FNDC3A: variants seen among roughly 807,000 people sequenced by gnomAD.
FNDC3A encodes fibronectin type-III domain-containing protein 3A.
Under a neutral mutation model 148.9 loss-of-function variants are expected in FNDC3A, and 32 were observed. That is an observed-to-expected ratio of 0.21 (90% CI 0.16 to 0.29). The LOEUF (loss-of-function observed/expected upper bound fraction) is 0.29. Ranked by LOEUF, FNDC3A falls within the 10% of genes least tolerant of loss-of-function variation. The pLI is 1.00. For synonymous variants in FNDC3A, 472 were observed against 473.6 expected (o/e 1.00, Z 0.04); for missense variants, 1,191 against 1,452.8 (o/e 0.82, Z 2.93).
chr13:49,177,705 A>C (rs1885101757), intron 13 of FNDC3A, among the ~76,000 whole-genome samples: 1 of 152,220 alleles, frequency 6.6e-6, no homozygotes, highest in Non-Finnish European at 1.5e-5. Context: ...TCAGCCATAA[A>C]AAGAGTACCA....
chr13:48,997,597 GC>G (rs1593451073), intron 1 of FNDC3A, among the ~76,000 whole-genome samples: 3 of 152,108 alleles, frequency 2.0e-5, no homozygotes, highest in Non-Finnish European at 2.9e-5. Flanking sequence ...GAGCTTGCAT[GC>G]TCTCTGCCTT....
At chr13:49,174,144 A>G (rs77003779) in intron 11 of FNDC3A, among the ~76,000 whole-genome samples, 5,885 of 152,190 alleles carry the variant, frequency 0.039, 154 homozygotes, top group Non-Finnish European at 0.059. Context: ...TTCTATGGAG[A>G]TTGTAGGGTC....
chr13:49,058,232 G>A (rs938188391), intron 2 of FNDC3A, among the ~76,000 whole-genome samples: 1 of 152,046 alleles, frequency 6.6e-6, no homozygotes, highest in Admixed American at 6.6e-5. Context: ...TGAGAGGGTC[G>A]TGATCGATTG....
At chr13:49,125,131 G>C (rs1881614972) in intron 4 of FNDC3A, among the ~76,000 whole-genome samples, 1 of 152,162 alleles carries the variant, frequency 6.6e-6, no homozygotes, top group Non-Finnish European at 1.5e-5. Context: ...TTTGAGCTGT[G>C]CTTGCTGTTT....
intron 2 of FNDC3A, among the ~76,000 whole-genome samples, chr13:49,024,340 G>A (rs1873542835): frequency 6.6e-6 from 1 of 151,836 alleles, no homozygotes; most frequent in South Asian, 2.1e-4. Flanking sequence ...ATTCCAAAAA[G>A]TTAAAGCAGA....
rs148194222 is a variant in FNDC3A, at chr13:49,113,602, A to G, written c.176-1053A>G. On this transcript the variant is annotated intron_variant, in intron 3 of 25. Coordinates refer to ENST00000492622, the MANE Select transcript of FNDC3A (RefSeq NM_001079673.2). ...TTCTTTTATAGCTGAGAGCCATTAT[A>G]TAATGGTAGATTATAATTCTGCATA... is the stretch of plus-strand genomic sequence containing the variant. 9.4e-4 allele frequency among the ~76,000 whole-genome samples: 143 copies of G among 152,286 alleles called. 3 individuals carry two copies. In the East Asian group the frequency reaches 0.026, roughly 28 times the overall value.
At chr13:49,011,516 G>A (rs1374425185) in intron 2 of FNDC3A, among the ~76,000 whole-genome samples, 1 of 152,170 alleles carries the variant, frequency 6.6e-6, no homozygotes, top group Non-Finnish European at 1.5e-5. Flanking sequence ...TTACATGCGT[G>A]AGCCACCGGC....
At chr13:49,142,073 A>G (rs1882721924) in intron 7 of FNDC3A, among the ~76,000 whole-genome samples, 1 of 152,232 alleles carries the variant, frequency 6.6e-6, no homozygotes, top group African/African-American at 2.4e-5. Context: ...ATATGGATAT[A>G]AAAGCAAATT....
At chr13:48,992,026 G>A (rs929993450) in intron 1 of FNDC3A, among the ~76,000 whole-genome samples, 1 of 152,196 alleles carries the variant, frequency 6.6e-6, no homozygotes, top group African/African-American at 2.4e-5. Flanking sequence ...ATGGATACTT[G>A]ATGTATGGTT....
At chr13:49,090,239 G>A (rs1879096945) in intron 3 of FNDC3A, among the ~76,000 whole-genome samples, 2 of 152,138 alleles carry the variant, frequency 1.3e-5, no homozygotes, top group South Asian at 2.1e-4. Flanking sequence ...TGACCAACAT[G>A]GTGAAACCCT....
chr13:49,070,031 A>G (rs1474966576), intron 2 of FNDC3A, among the ~76,000 whole-genome samples: 1 of 152,250 alleles, frequency 6.6e-6, no homozygotes, highest in Non-Finnish European at 1.5e-5. Context: ...TATAAAAACT[A>G]GGAAAAATAG....
chr13:49,174,346 C>A, intron 11 of FNDC3A, 89 bp from the exon 12 acceptor site: 1 of 1,047,660 alleles, frequency 9.5e-7, no homozygotes, highest in African/African-American at 1.6e-5. Context: ...TATACACTTG[C>A]TAATATGTAA....
intron 19 of FNDC3A, among the ~76,000 whole-genome samples, chr13:49,192,977 C>T (rs1202358817): frequency 6.6e-6 from 1 of 151,874 alleles, no homozygotes; most frequent in African/African-American, 2.4e-5. Flanking sequence ...TTGTTGTTGT[C>T]GACATGAATT....
rs1566185745 is a variant in FNDC3A at position 49,006,154 on chromosome 13, T to C, written c.-37T>C. ...GACTATATATGTTTGTTTTTCAGAA[T>C]TGGAGCGTTATTCAGTATATTAATG... On this transcript the variant is annotated splice_region_variant and 5_prime_UTR_variant, in exon 2 of 26. Transcript: ENST00000492622. 1 of 1,153,640 alleles carries C rather than the reference T, an allele frequency of 8.7e-7. No individual in the cohort carries two copies. The highest frequency in any genetic ancestry group is 1.3e-6 in the Non-Finnish European group (1 of 774,100). The allele number at this position is 1,153,640 out of a possible 1,614,324, so 71.5% of individuals were successfully genotyped here. A position where few individuals can be genotyped will look rare whatever the true frequency, so the allele number is the denominator to read the frequency against.
intron 2 of FNDC3A, among the ~76,000 whole-genome samples, chr13:49,042,988 T>C (rs1875062450): frequency 6.6e-6 from 1 of 152,128 alleles, no homozygotes; most frequent in Admixed American, 6.6e-5. Flanking sequence ...CAGGGTCTCA[T>C]TCTGTCACCA....
intron 17 of FNDC3A, among the ~76,000 whole-genome samples, chr13:49,189,224 G>A (rs1312518938): frequency 5.3e-5 from 8 of 150,464 alleles, no homozygotes; most frequent in African/African-American, 1.2e-4. Context: ...GCAGTGGCAC[G>A]ATTGGGGCTC....
chr13:48,993,336 A>G (rs913864034), intron 1 of FNDC3A, among the ~76,000 whole-genome samples: 2 of 152,176 alleles, frequency 1.3e-5, no homozygotes, highest in African/African-American at 4.8e-5. Flanking sequence ...CCCACCACAC[A>G]CCTGTTGAGT....
chr13:49,168,509 C>T (rs1430774574), intron 9 of FNDC3A, 104 bp from the exon 10 acceptor site: 2 of 677,694 alleles, frequency 3.0e-6, no homozygotes, highest in Non-Finnish European at 4.6e-6. Context: ...CTTGATAGAA[C>T]TTTTAGTGGA....
At chr13:49,163,355 C>G (rs1464055984) in intron 8 of FNDC3A, among the ~76,000 whole-genome samples, 1 of 152,226 alleles carries the variant, frequency 6.6e-6, no homozygotes, top group Non-Finnish European at 1.5e-5. Context: ...GCTCCTCCCC[C>G]AGCCTCGCTG....
Sources: allele counts gnomAD v4.1 joint callset (sites outside exome capture counted in the v4.1 genomes callset), GRCh38; gene constraint gnomAD v4.1.1; transcripts MANE v1.5; gene names NCBI Gene and HGNC (gene_info 2026-07-23, HGNC 2026-07-21).